GSE1: variants seen among roughly 807,000 people sequenced by gnomAD.
The protein encoded by GSE1 is genetic suppressor element 1.
In GSE1, 32 loss-of-function variants were observed where a neutral mutation model predicts 112.6. That is an observed-to-expected ratio of 0.28 (90% CI 0.21 to 0.38). The LOEUF (loss-of-function observed/expected upper bound fraction) is 0.38. Ranked by LOEUF, GSE1 falls within the 10% of genes least tolerant of loss-of-function variation. The probability of loss-of-function intolerance (pLI) is 1.00; values close to 1 mark genes in which losing one functional copy is unlikely to be tolerated. For synonymous variants in GSE1, 1,115 were observed against 735.6 expected (o/e 1.52, Z -8.35); for missense variants, 2,348 against 1,699.2 (o/e 1.38, Z -6.71).
chr16:85,311,466 G>A lies in GSE1; in HGVS notation c.2284-45997G>A, dbSNP rs962695348. Among the ~76,000 whole-genome samples the A allele has an allele frequency of 1.2e-4, 19 of 152,130 alleles. No individual in the cohort carries two copies. Among genetic ancestry groups the A allele is most frequent in the African/African-American group, 3.9e-4 (16 of 41,446 alleles). ...GAGAGCTGCTGGGGACAGGACGTGG[G>A]CGGAGCCCTCGGCTGCCTCCCACCG... is the stretch of plus-strand genomic sequence containing the variant. On this transcript the variant is annotated intron_variant, in intron 1 of 2. Transcript: ENST00000637419. This position sits in a 1 kb window ranked among gnomAD's most constrained non-coding sequence, Gnocchi z 4.2.
exon 1 of GSE1, chr16:85,170,106 C>A: frequency 1.0e-6 from 1 of 985,220 alleles, no homozygotes; most frequent in Non-Finnish European, 1.2e-6. Context: ...ACGCCGCCAG[C>A]CCCCACCAGG....
chr16:85,175,049 C>T (rs2074433323), intron 1 of GSE1, among the ~76,000 whole-genome samples: 1 of 98,996 alleles, frequency 1.0e-5, no homozygotes, highest in Non-Finnish European at 2.3e-5. Context: ...TGTGACTCCT[C>T]AGTTGTTCCC....
intron 1 of GSE1, among the ~76,000 whole-genome samples, chr16:85,567,762 G>A (rs2045821272): frequency 6.6e-6 from 1 of 152,198 alleles, no homozygotes; most frequent in African/African-American, 2.4e-5. Flanking sequence ...TCGCTCTGTT[G>A]CTCGGGCTGG....
At chr16:85,589,098 G>A (rs1043294477) in intron 1 of GSE1, among the ~76,000 whole-genome samples, 2 of 151,844 alleles carry the variant, frequency 1.3e-5, no homozygotes, top group African/African-American at 2.4e-5. Context: ...CCGTGTACCC[G>A]CCTCTCCCCT....
chr16:85,619,366 C>T (rs2048581751), intron 1 of GSE1, among the ~76,000 whole-genome samples: 2 of 151,648 alleles, frequency 1.3e-5, no homozygotes, highest in South Asian at 4.2e-4. Flanking sequence ...GTTAAGCCGT[C>T]CCGAAGGAAA....
intron 1 of GSE1, chr16:85,592,313 C>G (rs1385039992): frequency 6.6e-6 from 1 of 152,088 alleles, no homozygotes; most frequent in East Asian, 1.9e-4. Flanking sequence ...CCATGCCCAG[C>G]TAATTTTTGT....
chr16:85,313,172 G>T (rs1038158333), intron 1 of GSE1, among the ~76,000 whole-genome samples: 1 of 152,180 alleles, frequency 6.6e-6, no homozygotes, highest in African/African-American at 2.4e-5. Context: ...GGCCTGCTGG[G>T]GTCCCTTGTC....
intron 1 of GSE1, among the ~76,000 whole-genome samples, chr16:85,356,223 C>T (rs1020409319): frequency 6.6e-6 from 1 of 152,224 alleles, no homozygotes; most frequent in Non-Finnish European, 1.5e-5. Context: ...CCATCATCGT[C>T]GTCGTCATGG....
intron 1 of GSE1, among the ~76,000 whole-genome samples, chr16:85,315,641 G>A (rs1461784188): frequency 1.9e-4 from 29 of 152,208 alleles, no homozygotes; most frequent in Non-Finnish European, 2.5e-4. Context: ...ACTTGAGACC[G>A]TGTGTAAGGC....
At chr16:85,456,972 C>T (rs1441081770) in intron 2 of GSE1, among the ~76,000 whole-genome samples, 2 of 152,176 alleles carry the variant, frequency 1.3e-5, no homozygotes, top group Non-Finnish European at 2.9e-5. Context: ...CAACTCCCGA[C>T]AGAAGAGCTG....
intron 2 of GSE1, among the ~76,000 whole-genome samples, chr16:85,510,580 C>G (rs951053192): frequency 3.9e-5 from 6 of 152,326 alleles, no homozygotes; most frequent in Middle Eastern, 3.4e-3. Context: ...TTCTGAGGCT[C>G]TCTGCTGGAA....
chr16:85,357,143 A>G (rs1360448059), intron 1 of GSE1, among the ~76,000 whole-genome samples: 1 of 152,200 alleles, frequency 6.6e-6, no homozygotes, highest in African/African-American at 2.4e-5. Flanking sequence ...GGCTCCGTGC[A>G]GTGCTGGCCA....
At position 85,656,394 on chromosome 16, in the gene GSE1, CGAGCGTGAGCGTGAGGCT is replaced by C; in HGVS notation, c.1044_1061del (p.Glu348_Ala353del). Reference sequence around the variant, plus strand: ...GGGAGAGGGAGCGCGAGCGCGAGCGCGAGCGTGAGCGTGAGGCTGACCGCGAGCGGGAGAAGGAACGTG... The same window carrying C: ...GGGAGAGGGAGCGCGAGCGCGAGCGCGACCGCGAGCGGGAGAAGGAACGTG... On this transcript the variant is annotated inframe_deletion, in exon 7 of 16. Coordinates refer to ENST00000253458, the MANE Select transcript of GSE1 (RefSeq NM_014615.5). 2 of 1,532,438 alleles carry C rather than the reference CGAGCGTGAGCGTGAGGCT, an allele frequency of 1.3e-6. No individual in the cohort carries two copies. The highest frequency in any genetic ancestry group is 1.8e-6 in the Non-Finnish European group (2 of 1,126,344). 94.9% of individuals were successfully genotyped at this position (1,532,438 alleles called of 1,614,324 possible). A position where few individuals can be genotyped will look rare whatever the true frequency, so the allele number is the denominator to read the frequency against.
At chr16:85,622,078 A>T (rs80306168) in intron 1 of GSE1, among the ~76,000 whole-genome samples, 1 of 152,186 alleles carries the variant, frequency 6.6e-6, no homozygotes, top group Non-Finnish European at 1.5e-5. Context: ...TTACAGAATC[A>T]TTTAGACTTA....
At chr16:85,260,338 T>TTTG (rs1907555784) in intron 1 of GSE1, among the ~76,000 whole-genome samples, 3 of 146,118 alleles carry the variant, frequency 2.1e-5, no homozygotes, top group African/African-American at 7.7e-5. Context: ...TTTTTTTTTT[T>TTTG]TTTGAGATGG....
intron 1 of GSE1, among the ~76,000 whole-genome samples, chr16:85,581,783 C>G (rs527855263): frequency 2.2e-4 from 34 of 152,238 alleles, no homozygotes; most frequent in African/African-American, 7.7e-4. Flanking sequence ...GCATCAGGCA[C>G]GAGTGGATGG....
intron 1 of GSE1, among the ~76,000 whole-genome samples, chr16:85,344,573 C>A (rs2046694615): frequency 6.6e-6 from 1 of 152,218 alleles, no homozygotes; most frequent in Non-Finnish European, 1.5e-5. Flanking sequence ...TCCTTCAGTG[C>A]CCTTGGCGGG....
intron 2 of GSE1, among the ~76,000 whole-genome samples, chr16:85,393,785 A>G (rs1319743041): frequency 1.3e-5 from 2 of 152,238 alleles, no homozygotes; most frequent in East Asian, 3.9e-4. Flanking sequence ...CCCTCTATCT[A>G]TTCCCCCACT....
chr16:85,617,463 C>T (rs1365387053), intron 1 of GSE1, among the ~76,000 whole-genome samples: 1 of 152,092 alleles, frequency 6.6e-6, no homozygotes, highest in South Asian at 2.1e-4. Flanking sequence ...GAGCCTCCAG[C>T]TCGGGGGTCT....
Sources: gnomAD v4.1 joint callset for allele counts (sites outside exome capture counted in the v4.1 genomes callset) on GRCh38, gnomAD v4.1.1 for gene constraint, Gnocchi (gnomAD v3.1) non-coding constraint, MANE v1.5 for transcripts, NCBI Gene and HGNC (gene_info 2026-07-23, HGNC 2026-07-21) for gene names.